Variants in LRFN5 observed in about 807,000 individuals in gnomAD.
The protein encoded by LRFN5 is leucine rich repeat and fibronectin type III domain containing 5.
A neutral mutation model predicts 45.6 loss-of-function variants in LRFN5; 24 were observed. The observed-to-expected ratio is 0.53, with a 90% CI of 0.38 to 0.74. LRFN5 has a LOEUF of 0.74. LRFN5 is among the 30% of genes least tolerant of loss of function. The pLI is 0.00. For missense variants in LRFN5, 776 were observed against 861.5 expected (o/e 0.90, Z 1.24); for synonymous variants, 340 against 313.8 (o/e 1.08, Z -0.88).
At chr14:41,763,763 AG>A (rs1349535184) in intron 1 of LRFN5, among the ~76,000 whole-genome samples, 1 of 152,196 alleles carries the variant, frequency 6.6e-6, no homozygotes, top group Non-Finnish European at 1.5e-5. Context: ...AGGCCTCCCC[AG>A]CCATGTGGAA....
At chr14:41,707,635 T>C (rs1002038798) in intron 1 of LRFN5, among the ~76,000 whole-genome samples, 7 of 152,140 alleles carry the variant, frequency 4.6e-5, no homozygotes, top group African/African-American at 1.7e-4. Flanking sequence ...TTAATCTATT[T>C]TCTGTTATTC....
At chr14:41,807,093 A>G (rs1302933233) in intron 2 of LRFN5, among the ~76,000 whole-genome samples, 1 of 152,168 alleles carries the variant, frequency 6.6e-6, no homozygotes, top group Non-Finnish European at 1.5e-5. Flanking sequence ...CAAAAAATTA[A>G]TATAAGAAGT....
intron 2 of LRFN5, among the ~76,000 whole-genome samples, chr14:41,826,462 A>C (rs938782618): frequency 6.6e-6 from 1 of 152,050 alleles, no homozygotes; most frequent in Non-Finnish European, 1.5e-5. Context: ...TTCTTATCAA[A>C]TTTTAGATGT....
intron 1 of LRFN5, among the ~76,000 whole-genome samples, chr14:41,656,987 T>C (rs1748151513): frequency 6.6e-6 from 1 of 151,878 alleles, no homozygotes; most frequent in South Asian, 2.1e-4. Context: ...ACCCTTATCC[T>C]CAATCGTTAT....
At chr14:41,616,365 G>T (rs1264728460) in intron 1 of LRFN5, among the ~76,000 whole-genome samples, 1 of 152,074 alleles carries the variant, frequency 6.6e-6, no homozygotes, top group East Asian at 1.9e-4. Flanking sequence ...AGCCAAAATG[G>T]CATAGATGCC....
intron 1 of LRFN5, among the ~76,000 whole-genome samples, chr14:41,694,434 T>C (rs1882512405): frequency 6.6e-6 from 1 of 151,954 alleles, no homozygotes; most frequent in Non-Finnish European, 1.5e-5. Flanking sequence ...CTACAAATCG[T>C]GCAGTATTTG....
intron 2 of LRFN5, among the ~76,000 whole-genome samples, chr14:41,864,284 G>A (rs1325616993): frequency 2.6e-5 from 4 of 152,038 alleles, no homozygotes; most frequent in Non-Finnish European, 5.9e-5. Flanking sequence ...TTACACTCCC[G>A]CCAACCGTGT....
At chr14:41,709,997 T>TC (rs1337475634) in intron 1 of LRFN5, among the ~76,000 whole-genome samples, 1 of 152,080 alleles carries the variant, frequency 6.6e-6, no homozygotes, top group African/African-American at 2.4e-5. Flanking sequence ...AGTTTTTTTT[T>TC]CTCTGAGCAT....
At chr14:41,619,414 A>G (rs2138554469) in intron 1 of LRFN5, among the ~76,000 whole-genome samples, 3 of 152,208 alleles carry the variant, frequency 2.0e-5, no homozygotes. Context: ...AATAATTAAA[A>G]TGAGTGTATT....
intron 2 of LRFN5, among the ~76,000 whole-genome samples, chr14:41,786,468 A>G (rs188307407): frequency 1.0e-3 from 152 of 150,856 alleles, no homozygotes; most frequent in African/African-American, 3.5e-3. Context: ...AACAGCATAC[A>G]TCCATTCTTA....
intron 1 of LRFN5, among the ~76,000 whole-genome samples, chr14:41,749,320 CCA>C (rs1305545015): frequency 2.0e-5 from 3 of 152,066 alleles, no homozygotes; most frequent in Admixed American, 6.6e-5. Flanking sequence ...TTAATGCATG[CCA>C]GAGGTAGTGA....
chr14:41,893,834 A>G (rs1014945293), intron 4 of LRFN5: 9 of 985,178 alleles, frequency 9.1e-6, no homozygotes, highest in Non-Finnish European at 1.1e-5. Context: ...TAAAAAGTTT[A>G]CTTTTCACAT....
At chr14:41,831,748 C>G (rs577306239) in intron 2 of LRFN5, among the ~76,000 whole-genome samples, 74 of 152,276 alleles carry the variant, frequency 4.9e-4, no homozygotes, top group African/African-American at 1.8e-3. Flanking sequence ...CCTCTTCCTT[C>G]TTACCTTATA....
chr14:41,686,444 T>C (rs1689329987), intron 1 of LRFN5, among the ~76,000 whole-genome samples: 1 of 152,030 alleles, frequency 6.6e-6, no homozygotes, highest in African/African-American at 2.4e-5. Context: ...TATTCCTATT[T>C]GAATACCCTT....
intron 2 of LRFN5, among the ~76,000 whole-genome samples, chr14:41,803,269 T>C (rs1266542112): frequency 2.0e-5 from 3 of 152,202 alleles, no homozygotes; most frequent in African/African-American, 7.2e-5. Flanking sequence ...GTACATTCTT[T>C]TCCAAAACTA....
chr14:41,744,721 A>G (rs935654593), intron 1 of LRFN5, among the ~76,000 whole-genome samples: 7 of 152,166 alleles, frequency 4.6e-5, no homozygotes, highest in Non-Finnish European at 8.8e-5. Context: ...GTAAATATTA[A>G]CAAGAATAAA....
chr14:41,857,433 C>T (rs1176778484), intron 2 of LRFN5, among the ~76,000 whole-genome samples: 3 of 152,098 alleles, frequency 2.0e-5, no homozygotes. Context: ...TAATATAATT[C>T]CCAGAATCTA....
intron 2 of LRFN5, among the ~76,000 whole-genome samples, chr14:41,854,200 G>A (rs920543272): frequency 6.6e-6 from 1 of 152,102 alleles, no homozygotes; most frequent in Non-Finnish European, 1.5e-5. Context: ...TCCCACCTAT[G>A]AGTGAGAACA....
chr14:41,816,673 A>T (rs1887929910), intron 2 of LRFN5, among the ~76,000 whole-genome samples: 1 of 151,950 alleles, frequency 6.6e-6, no homozygotes, highest in Admixed American at 6.6e-5. Context: ...TAGAGGTAAG[A>T]TGTTTTTTAT....
Sources: allele counts gnomAD v4.1 joint callset (sites outside exome capture counted in the v4.1 genomes callset), GRCh38; gene constraint gnomAD v4.1.1; transcripts MANE v1.5; gene names NCBI Gene and HGNC (gene_info 2026-07-23, HGNC 2026-07-21).